The following PTPRS variants were observed in gnomAD, a reference collection of about 807,000 sequenced individuals.
PTPRS encodes the protein receptor-type tyrosine-protein phosphatase S.
Under a neutral mutation model 215.3 loss-of-function variants are expected in PTPRS, and 63 were observed. The observed-to-expected ratio is 0.29, with a 90% CI of 0.24 to 0.36. The LOEUF (loss-of-function observed/expected upper bound fraction) is 0.36. PTPRS is among the 10% of genes least tolerant of loss of function. The probability of loss-of-function intolerance (pLI) is 1.00; values close to 1 mark genes in which losing one functional copy is unlikely to be tolerated. For synonymous variants in PTPRS, 1,404 were observed against 1,191.4 expected, an observed-to-expected ratio of 1.18 and a Z score of -3.68; for missense variants, 2,258 against 2,825.8, an observed-to-expected ratio of 0.80 and a Z score of 4.56.
chr19:5,315,350 G>GT lies in PTPRS; in HGVS notation c.-95+25313_-95+25314insA, dbSNP rs2049835558. Among the ~76,000 whole-genome samples the GT allele has an allele frequency of 4.9e-5, 5 of 101,290 alleles. 1 individual carries two copies. Among genetic ancestry groups the GT allele is most frequent in the East Asian group, 2.5e-4 (1 of 3,992 alleles). The allele number at this position is 101,290 out of a possible 152,430, so 66.5% of individuals were successfully genotyped here. On this transcript the variant is annotated intron_variant, in intron 1 of 37. Transcript: ENST00000262963. ...TCATGGAGAATTTTTATTTGAAAAG[G>GT]GTTTTTTTTTTTTTTTTTTTTTTTT...
chr19:5,326,496 C>T (rs1450219982), intron 1 of PTPRS, among the ~76,000 whole-genome samples: 4 of 152,104 alleles, frequency 2.6e-5, no homozygotes, highest in Non-Finnish European at 4.4e-5. Context: ...TTCTCTTTTA[C>T]GTTTTAAAAG....
chr19:5,277,389 C>T (rs2047472301), intron 2 of PTPRS, among the ~76,000 whole-genome samples: 1 of 152,084 alleles, frequency 6.6e-6, no homozygotes, highest in Non-Finnish European at 1.5e-5. Flanking sequence ...GGTGCGGTGG[C>T]TCATGCCTGT....
At chr19:5,248,376 C>T (rs1468071795) in intron 9 of PTPRS, among the ~76,000 whole-genome samples, 3 of 149,234 alleles carry the variant, frequency 2.0e-5, no homozygotes, top group Non-Finnish European at 3.0e-5. Context: ...ACACAACACC[C>T]AAAAGCAAGA....
intron 1 of PTPRS, among the ~76,000 whole-genome samples, chr19:5,309,605 C>T (rs1455069782): frequency 3.3e-5 from 5 of 152,128 alleles, no homozygotes; most frequent in Admixed American, 6.6e-5. Context: ...CTAATGGGGG[C>T]GTTTCCATGC....
Position 5,265,053 on chromosome 19 carries a change from C to G in PTPRS, c.523G>C (p.Val175Leu). Reference protein sequence around the residue: ...EITWFKDFLPVDPSASNGRIK... With the variant: ...EITWFKDFLPLDPSASNGRIK... ...CGTCCATTGCTGGCACTAGGATCCACAGGCAGGAAGTCCTTGAACCAGGTG... is the reference window on the plus strand; with the variant it reads ...CGTCCATTGCTGGCACTAGGATCCAGAGGCAGGAAGTCCTTGAACCAGGTG... Residue 175 changes from valine (V) to leucine (L), a missense_variant, in exon 5 of 38, where the codon GTG (valine) becomes CTG (leucine). By Grantham distance (32) the Val-to-Leu change is conservative. This residue lies in a region of PTPRS where 508 missense variants were observed against 799.4 expected (regional missense o/e 0.64). Transcript: ENST00000262963. The G allele has an allele frequency of 6.2e-7, 1 of 1,614,182 alleles. No homozygotes were observed.
At chr19:5,231,277 G>C (rs761115254) in intron 14 of PTPRS, 33 bp downstream of exon 14, 1 of 1,568,056 alleles carries the variant, frequency 6.4e-7, no homozygotes, top group Admixed American at 1.7e-5. Flanking sequence ...GCTGGGGCCT[G>C]CGGGGGGTCC....
At position 5,263,598 on chromosome 19, in the gene PTPRS, G is replaced by A. The variant is rs114044629; in HGVS notation, c.569-626C>T. On this transcript the variant is annotated intron_variant, in intron 5 of 37. Transcript: ENST00000262963. ...TCAACAGTGACCTGAACGAAGGCAG[G>A]GCGTCAAGCCCGGCACAACTGAAAA... Among the ~76,000 whole-genome samples the A allele has an allele frequency of 8.9e-3, 1,358 of 152,316 alleles. 21 individuals carry two copies. Among genetic ancestry groups the A allele is most frequent in the African/African-American group, 0.031 (1,297 of 41,570 alleles).
chr19:5,334,236 G>T (rs1303913135), intron 1 of PTPRS, among the ~76,000 whole-genome samples: 1 of 152,250 alleles, frequency 6.6e-6, no homozygotes, highest in Non-Finnish European at 1.5e-5. Flanking sequence ...GACCCCATCG[G>T]GGGGCTGAGG....
rs540036381 is a variant in PTPRS at position 5,222,296 on chromosome 19, C to T, written c.3104-76G>A. 4.9e-5 allele frequency: 64 copies of T among 1,293,332 alleles called. 1 individual carries two copies. Among genetic ancestry groups the T allele is most frequent in the South Asian group, 1.9e-4 (16 of 83,514 alleles). The allele number at this position is 1,293,332 out of a possible 1,614,324, so 80.1% of individuals were successfully genotyped here. On this transcript the variant is annotated intron_variant, in intron 18 of 37. Coordinates refer to ENST00000262963, the MANE Select transcript of PTPRS (RefSeq NM_002850.4). ...GTGCCTGGCACTGGGTGGCGTGAAG[C>T]GGGGTGGGGTGGGGCGGCCCAGGCG...
chr19:5,225,963 G>A (rs531660884), intron 16 of PTPRS, 119 bp from the exon 17 acceptor site: 18 of 780,212 alleles, frequency 2.3e-5, no homozygotes, highest in African/African-American at 6.8e-5. Context: ...GGGTGGAGAC[G>A]TGCACATGAG....
chr19:5,268,510 G>A (rs940462364), intron 4 of PTPRS, among the ~76,000 whole-genome samples: 8 of 151,934 alleles, frequency 5.3e-5, no homozygotes, highest in African/African-American at 1.7e-4. Context: ...CCCCAGGCAA[G>A]CAGCAGGAGG....
chr19:5,216,624 C>T (rs1486545821), intron 26 of PTPRS, 96 bp downstream of exon 26: 9 of 1,047,010 alleles, frequency 8.6e-6, no homozygotes, highest in Admixed American at 2.1e-5. Context: ...GATGGGTGGG[C>T]GTGTGGACAG....
intron 1 of PTPRS, among the ~76,000 whole-genome samples, chr19:5,312,052 A>G (rs1220675718): frequency 6.6e-6 from 1 of 152,012 alleles, no homozygotes; most frequent in Admixed American, 6.6e-5. Flanking sequence ...AAAAAAAAAA[A>G]AAAGAAAGAA....
chr19:5,226,993 G>A (rs1251272685), intron 16 of PTPRS, among the ~76,000 whole-genome samples: 1 of 151,936 alleles, frequency 6.6e-6, no homozygotes, highest in Admixed American at 6.6e-5. Context: ...CCATGGAAAC[G>A]GTCCAATGCT....
At chr19:5,220,232 C>T (rs1272184428) in intron 21 of PTPRS, 28 bp downstream of exon 21, 4 of 1,611,290 alleles carry the variant, frequency 2.5e-6, no homozygotes, top group Admixed American at 3.4e-5. Flanking sequence ...TGCATCTGGG[C>T]CCTGCGGGTT....
At position 5,257,944 on chromosome 19, in the gene PTPRS, C is replaced by T. The variant is rs940121354; in HGVS notation, c.706+73G>A. On this transcript the variant is annotated intron_variant, in intron 8 of 37. Transcript: ENST00000262963. This position sits in a 1 kb window ranked among gnomAD's most constrained non-coding sequence, Gnocchi z 4.4. Reference sequence around the variant, plus strand: ...TGCAGGGGACGGGGGAGCCCGGAGGCGGTGAGCCCGAGGAGGGAGGGGGAT... The same window carrying T: ...TGCAGGGGACGGGGGAGCCCGGAGGTGGTGAGCCCGAGGAGGGAGGGGGAT... 1.1e-5 allele frequency: 14 copies of T among 1,302,978 alleles called. No homozygotes were observed. In the East Asian group the frequency reaches 1.2e-4, roughly 11 times the overall value. The allele number at this position is 1,302,978 out of a possible 1,614,324, so 80.7% of individuals were successfully genotyped here. A position where few individuals can be genotyped will look rare whatever the true frequency, so the allele number is the denominator to read the frequency against.
chr19:5,252,757 C>T (rs1378504881), intron 9 of PTPRS, among the ~76,000 whole-genome samples: 1 of 150,576 alleles, frequency 6.6e-6, no homozygotes, highest in Non-Finnish European at 1.5e-5. Flanking sequence ...AACTGTAATC[C>T]CAGCTACTTG....
intron 4 of PTPRS, among the ~76,000 whole-genome samples, chr19:5,269,335 G>A (rs181362861): frequency 2.0e-5 from 3 of 151,976 alleles, no homozygotes; most frequent in Non-Finnish European, 4.4e-5. Flanking sequence ...AAACAAAAAC[G>A]TACATCGCGA....
intron 1 of PTPRS, among the ~76,000 whole-genome samples, chr19:5,309,151 AG>A (rs1417848800): frequency 6.6e-6 from 1 of 151,862 alleles, no homozygotes; most frequent in Non-Finnish European, 1.5e-5. Flanking sequence ...GAGAGAAGGG[AG>A]GAAGGGGGGG....
Sources: gnomAD v4.1 joint callset for allele counts (sites outside exome capture counted in the v4.1 genomes callset) on GRCh38, gnomAD v4.1.1 for gene constraint, gnomAD v4.1.1 regional missense constraint, Gnocchi (gnomAD v3.1) non-coding constraint, MANE v1.5 for transcripts, NCBI Gene and HGNC (gene_info 2026-07-23, HGNC 2026-07-21) for gene names.